The following DMXL1 variants were observed in gnomAD, a reference collection of about 807,000 sequenced individuals.
The protein encoded by DMXL1 is Dmx like 1, also known as dmX-like protein 1.
A neutral mutation model predicts 319.2 loss-of-function variants in DMXL1; 99 were observed. That is an observed-to-expected ratio of 0.31 (90% confidence interval 0.26 to 0.37). DMXL1 has a LOEUF of 0.37. DMXL1 is among the 10% of genes least tolerant of loss of function. The pLI is 1.00. For synonymous variants in DMXL1, 1,385 were observed against 1,235.2 expected, an observed-to-expected ratio of 1.12 and a Z score of -2.54; for missense variants, 3,745 against 3,595.6, an observed-to-expected ratio of 1.04 and a Z score of -1.06.
chr5:119,150,488 T>C (rs1199960605), intron 18 of DMXL1, 67 bp downstream of exon 18: 6 of 1,482,570 alleles, frequency 4.0e-6, no homozygotes, highest in Non-Finnish European at 5.4e-6. Context: ...TAAATAATTT[T>C]TATTAAAATG....
intron 22 of DMXL1, 46 bp downstream of exon 22, chr5:119,166,827 T>C: frequency 6.7e-7 from 1 of 1,495,788 alleles, no homozygotes; most frequent in Non-Finnish European, 9.0e-7. Context: ...TGTCATCTTT[T>C]AAAGCTCCTT....
Position 119,121,067 on chromosome 5 carries a change from C to T in DMXL1, c.1030C>T (p.His344Tyr). 3.1e-6 allele frequency: 5 copies of T among 1,613,612 alleles called. No homozygotes were observed. The highest frequency in any genetic ancestry group is 4.2e-6 in the Non-Finnish European group (5 of 1,179,910). The change falls in exon 9 of 44, where the codon CAC becomes TAC. Residue 344 changes from histidine (H) to tyrosine (Y), a missense_variant. Coordinates refer to ENST00000539542, the MANE Select transcript of DMXL1 (RefSeq NM_001290321.3). ...ACATCAGCAGGATCCTCATCATGTT[C>T]ACAGGAACACTCCACTGCATGCCAA... is the stretch of plus-strand genomic sequence containing the variant. ...LPHQQDPHHV[H>Y]RNTPLHANAL...
At chr5:119,148,314 A>G (rs12519994) in intron 17 of DMXL1, among the ~76,000 whole-genome samples, 3 of 152,270 alleles carry the variant, frequency 2.0e-5, no homozygotes, top group Admixed American at 2.0e-4. Flanking sequence ...ATGCATTGAT[A>G]CCTTTAAAAT....
At chr5:119,093,762 TC>T (rs1755324502) in intron 1 of DMXL1, among the ~76,000 whole-genome samples, 1 of 152,168 alleles carries the variant, frequency 6.6e-6, no homozygotes, top group East Asian at 1.9e-4. Context: ...TAATTAAAGT[TC>T]TGCTCCATTG....
At chr5:119,135,666 C>T (rs1282347333) in intron 13 of DMXL1, among the ~76,000 whole-genome samples, 2 of 152,138 alleles carry the variant, frequency 1.3e-5, no homozygotes, top group African/African-American at 4.8e-5. Context: ...AGGGAGTTCT[C>T]ACAAGATCTG....
intron 33 of DMXL1, among the ~76,000 whole-genome samples, chr5:119,205,322 G>A (rs1288166391): frequency 6.6e-6 from 1 of 152,060 alleles, no homozygotes; most frequent in African/African-American, 2.4e-5. Flanking sequence ...AAGAAATAGA[G>A]TAGTATAGTC....
At position 119,133,993 on chromosome 5, in the gene DMXL1, C is replaced by T. The variant is rs551392593; in HGVS notation, c.2069C>T (p.Thr690Ile). ...ECSLTQQNKS[T>I]VDVAFQDPSA... ...TCTTTGACACAACAAAATAAAAGCA[C>T]TGTTGACGTGGCATTTCAGGATCCC... is the stretch of plus-strand genomic sequence containing the variant. The change falls in exon 12 of 44, where the codon ACT becomes ATT. Residue 690 changes from threonine (T) to isoleucine (I), a missense_variant. Thr to Ile is a moderately conservative substitution (Grantham distance 89). This residue lies in a region of DMXL1 where 2,096 missense variants were observed against 1,985.4 expected (regional missense o/e 1.06). Coordinates refer to ENST00000539542, the MANE Select transcript of DMXL1 (RefSeq NM_001290321.3). 6.8e-6 allele frequency: 11 copies of T among 1,614,188 alleles called. No homozygotes were observed. The highest frequency in any genetic ancestry group is 6.7e-5 in the African/African-American group (5 of 75,050).
intron 4 of DMXL1, among the ~76,000 whole-genome samples, chr5:119,108,891 T>A (rs1369845345): frequency 6.6e-6 from 1 of 152,078 alleles, no homozygotes; most frequent in Non-Finnish European, 1.5e-5. Flanking sequence ...AACCTCTGCC[T>A]CCCGGGTTCA....
At chr5:119,128,935 G>A in intron 9 of DMXL1, among the ~76,000 whole-genome samples, 1 of 151,856 alleles carries the variant, frequency 6.6e-6, no homozygotes, top group Non-Finnish European at 1.5e-5. Context: ...GTGGTGGCGT[G>A]TGCCTGTAAT....
At chr5:119,195,064 A>G (rs978971084) in intron 30 of DMXL1, among the ~76,000 whole-genome samples, 1 of 150,020 alleles carries the variant, frequency 6.7e-6, no homozygotes, top group Non-Finnish European at 1.5e-5. Context: ...ATGGCTACCA[A>G]AAAAAAAACA....
At chr5:119,215,689 G>A (rs114506218) in intron 34 of DMXL1, among the ~76,000 whole-genome samples, 270 of 152,172 alleles carry the variant, frequency 1.8e-3, no homozygotes, top group Middle Eastern at 6.8e-3. Flanking sequence ...CAATGGCCGG[G>A]CATTGGTGAT....
At chr5:119,089,714 C>G (rs1181235407) in intron 1 of DMXL1, among the ~76,000 whole-genome samples, 2 of 150,958 alleles carry the variant, frequency 1.3e-5, no homozygotes, top group Non-Finnish European at 2.9e-5. Flanking sequence ...CAACCTCCAC[C>G]TCCTGGGTTC....
At chr5:119,227,794 T>G (rs1785878178) in intron 38 of DMXL1, among the ~76,000 whole-genome samples, 1 of 152,204 alleles carries the variant, frequency 6.6e-6, no homozygotes, top group Non-Finnish European at 1.5e-5. Flanking sequence ...TTTTTGCTTT[T>G]ACTCCTGGCA....
intron 38 of DMXL1, among the ~76,000 whole-genome samples, chr5:119,225,109 A>C (rs987279891): frequency 1.3e-5 from 2 of 152,006 alleles, no homozygotes; most frequent in Non-Finnish European, 1.5e-5. Context: ...GATCATGCTA[A>C]ATTATAGTGA....
chr5:119,111,363 T>C (rs1271771028), intron 5 of DMXL1, among the ~76,000 whole-genome samples: 1 of 152,176 alleles, frequency 6.6e-6, no homozygotes, highest in African/African-American at 2.4e-5. Flanking sequence ...GTATTAAAAA[T>C]AGTGTAAAAT....
intron 9 of DMXL1, chr5:119,128,220 TG>T: frequency 2.5e-6 from 1 of 397,418 alleles, no homozygotes; most frequent in South Asian, 2.1e-5. Flanking sequence ...CTGGATACTC[TG>T]GAGAATACAG....
rs533910492 is a variant in DMXL1 at position 119,164,834 on chromosome 5, A to G, written c.4872+158A>G. On this transcript the variant is annotated intron_variant, in intron 20 of 43. Coordinates refer to ENST00000539542, the MANE Select transcript of DMXL1 (RefSeq NM_001290321.3). ...TTTCATTTATAACGTGTTTCAAAAT[A>G]TCTAAAGTTTTAAAATGTATATTCT... 2.4e-4 allele frequency among the ~76,000 whole-genome samples: 36 copies of G among 152,352 alleles called. No individual in the cohort carries two copies. In the East Asian group the frequency reaches 6.5e-3, roughly 28 times the overall value.
At chr5:119,182,933 T>C (rs1467343503) in intron 28 of DMXL1, among the ~76,000 whole-genome samples, 3 of 152,190 alleles carry the variant, frequency 2.0e-5, no homozygotes, top group East Asian at 1.9e-4. Context: ...CTTTTTATTC[T>C]GTATTATAAA....
chr5:119,196,313 A>G (rs1390915507), intron 30 of DMXL1, 58 bp from the exon 31 acceptor site: 1 of 1,326,626 alleles, frequency 7.5e-7, no homozygotes, highest in East Asian at 2.3e-5. Context: ...AAAGGGTAGT[A>G]TACTCTTCTA....
Sources: allele counts gnomAD v4.1 joint callset (sites outside exome capture counted in the v4.1 genomes callset), GRCh38; gene constraint gnomAD v4.1.1; regional missense constraint gnomAD v4.1.1; transcripts MANE v1.5; gene names NCBI Gene and HGNC (gene_info 2026-07-23, HGNC 2026-07-21).